PPM1B: variants seen among roughly 807,000 people sequenced by gnomAD.
PPM1B encodes the protein protein phosphatase, Mg2+/Mn2+ dependent 1B.
In PPM1B, 22 loss-of-function variants were observed where a neutral mutation model predicts 43.0. That is an observed-to-expected ratio of 0.51 (90% CI 0.37 to 0.73). PPM1B has a LOEUF of 0.73. PPM1B is among the 30% of genes least tolerant of loss of function. The probability of loss-of-function intolerance (pLI) is 0.00; values close to 1 mark genes in which losing one functional copy is unlikely to be tolerated. For synonymous variants in PPM1B, 217 were observed against 197.9 expected (o/e 1.10, Z -0.81); for missense variants, 632 against 584.2 (o/e 1.08, Z -0.84).
At chr2:44,183,973 C>T (rs946751423) in intron 1 of PPM1B, among the ~76,000 whole-genome samples, 1 of 152,102 alleles carries the variant, frequency 6.6e-6, no homozygotes, top group Non-Finnish European at 1.5e-5. Flanking sequence ...CTCCTGACCT[C>T]GTGATCCGCC....
intron 1 of PPM1B, among the ~76,000 whole-genome samples, chr2:44,200,881 G>C (rs894486791): frequency 1.3e-5 from 2 of 152,064 alleles, no homozygotes; most frequent in African/African-American, 4.8e-5. Flanking sequence ...CTTTCTCCTA[G>C]AACAGTGGTC....
intron 5 of PPM1B, among the ~76,000 whole-genome samples, chr2:44,240,057 C>G (rs1205257994): frequency 8.6e-6 from 1 of 116,768 alleles, no homozygotes; most frequent in Non-Finnish European, 2.0e-5. Flanking sequence ...GTTGCCCAGG[C>G]TGGAGTGTAG....
downstream of PPM1B, among the ~76,000 whole-genome samples, chr2:44,246,622 G>GT (rs1168587608): frequency 1.3e-5 from 2 of 152,158 alleles, no homozygotes; most frequent in East Asian, 3.8e-4. Context: ...TATTTCTCCA[G>GT]TTTATCTACA....
At chr2:44,235,052 A>G (rs1670573124), downstream of PPM1B, among the ~76,000 whole-genome samples, 1 of 152,216 alleles carries the variant, frequency 6.6e-6, no homozygotes, top group African/African-American at 2.4e-5. Context: ...TATTTTAGTC[A>G]CTTCAGATAA....
intron 1 of PPM1B, among the ~76,000 whole-genome samples, chr2:44,198,235 A>T (rs1206731888): frequency 2.6e-5 from 4 of 152,142 alleles, no homozygotes; most frequent in Non-Finnish European, 5.9e-5. Context: ...ATCCCGGCTC[A>T]CCACAACCTC....
At chr2:44,236,341 T>C (rs1177917208), downstream of PPM1B, among the ~76,000 whole-genome samples, 1 of 140,692 alleles carries the variant, frequency 7.1e-6, no homozygotes, top group Non-Finnish European at 1.5e-5. Context: ...AGGTGGAGAT[T>C]GCAGTGAGCC....
intron 3 of PPM1B, 38 bp from the exon 4 acceptor site, chr2:44,217,929 T>A: frequency 7.2e-7 from 1 of 1,382,758 alleles, no homozygotes; most frequent in Non-Finnish European, 1.0e-6. Flanking sequence ...TACTGGCTTA[T>A]CACATTAATT....
At chr2:44,186,250 C>G (rs1413843676) in intron 1 of PPM1B, among the ~76,000 whole-genome samples, 1 of 152,160 alleles carries the variant, frequency 6.6e-6, no homozygotes, top group East Asian at 1.9e-4. Flanking sequence ...TAGGAACAGG[C>G]TGGAAGTGAA....
At chr2:44,229,954 T>A in intron 5 of PPM1B, 1 of 1,483,158 alleles carries the variant, frequency 6.7e-7, no homozygotes, top group South Asian at 1.3e-5. Flanking sequence ...TCTGTTTAAA[T>A]CTATATAGTT....
At chr2:44,209,398 T>TGGTAGGCCAA in intron 3 of PPM1B, 71 bp downstream of exon 3, 1 of 1,521,800 alleles carries the variant, frequency 6.6e-7, no homozygotes, top group East Asian at 2.3e-5. Context: ...CCTAGCACTT[T>TGGTAGGCCAA]TGTCGCCTGG....
At chr2:44,244,399 G>T, downstream of PPM1B, 1 of 1,318,608 alleles carries the variant, frequency 7.6e-7, no homozygotes. Context: ...TTGTACTGCT[G>T]TTAACCTTTA....
At chr2:44,216,902 C>CAA (rs34344485) in intron 3 of PPM1B, among the ~76,000 whole-genome samples, 5,475 of 139,982 alleles carry the variant, frequency 0.039, 113 homozygotes, top group Admixed American at 0.053. Context: ...TCCAGTGTCT[C>CAA]AAAAAAAAAA....
At chr2:44,239,696 A>G (rs976272244) in intron 5 of PPM1B, among the ~76,000 whole-genome samples, 21 of 152,110 alleles carry the variant, frequency 1.4e-4, no homozygotes, top group Admixed American at 3.3e-4. Context: ...TTAGAAGTCT[A>G]CCTCCCAAGC....
At chr2:44,218,352 G>A in intron 4 of PPM1B, 128 bp from the exon 5 acceptor site, 1 of 736,052 alleles carries the variant, frequency 1.4e-6, no homozygotes, top group South Asian at 1.7e-5. Flanking sequence ...AGTGTAGAAG[G>A]TATGTTCTTG....
At chr2:44,223,087 C>G (rs1378884490) in intron 5 of PPM1B, among the ~76,000 whole-genome samples, 1 of 152,198 alleles carries the variant, frequency 6.6e-6, no homozygotes, top group African/African-American at 2.4e-5. Context: ...CTACCTCAGC[C>G]TCCCAAAGTT....
chr2:44,226,735 C>CTT (rs60750702), intron 5 of PPM1B, among the ~76,000 whole-genome samples: 44 of 66,686 alleles, frequency 6.6e-4, no homozygotes, highest in African/African-American at 1.9e-3. Flanking sequence ...AGGTTTTTAT[C>CTT]TTTTTTTTTT....
At chr2:44,198,055 G>A (rs1379263562) in intron 1 of PPM1B, among the ~76,000 whole-genome samples, 3 of 152,152 alleles carry the variant, frequency 2.0e-5, no homozygotes, top group Admixed American at 1.3e-4. Context: ...CTGTTCTTAA[G>A]CCACGCTTGC....
intron 1 of PPM1B, among the ~76,000 whole-genome samples, chr2:44,183,945 A>G (rs545455800): frequency 6.6e-6 from 1 of 152,150 alleles, no homozygotes; most frequent in East Asian, 1.9e-4. Flanking sequence ...TCACCGTGTT[A>G]GCCAGTATGG....
chr2:44,180,996 G>C (rs1017688048), intron 1 of PPM1B, among the ~76,000 whole-genome samples: 1 of 152,078 alleles, frequency 6.6e-6, no homozygotes, highest in Non-Finnish European at 1.5e-5. Flanking sequence ...CTTTTGCCCA[G>C]GCTGGAGTGC....
Sources: gnomAD v4.1 joint callset for allele counts (sites outside exome capture counted in the v4.1 genomes callset) on GRCh38, gnomAD v4.1.1 for gene constraint, MANE v1.5 for transcripts, NCBI Gene and HGNC (gene_info 2026-07-23, HGNC 2026-07-21) for gene names.